CTNNA1: variants seen among roughly 807,000 people sequenced by gnomAD.
CTNNA1 encodes catenin alpha-1.
Under a neutral mutation model 98.4 loss-of-function variants are expected in CTNNA1, and 37 were observed. The observed-to-expected ratio is 0.38, with a 90% confidence interval of 0.29 to 0.49. CTNNA1 has a LOEUF of 0.49. Among genes scored for constraint, CTNNA1 ranks in the 20% least tolerant of loss-of-function variants. The pLI, the probability that CTNNA1 is intolerant of heterozygous loss-of-function variation, is 0.95. For missense variants in CTNNA1, 761 were observed against 1,147.2 expected (o/e 0.66, Z 4.86); for synonymous variants, 404 against 413.2 (o/e 0.98, Z 0.27).
intron 3 of CTNNA1, among the ~76,000 whole-genome samples, chr5:138,803,702 T>C (rs1053179600): frequency 1.3e-4 from 20 of 152,216 alleles, no homozygotes; most frequent in Admixed American, 2.0e-4. Context: ...TCAAATCAAA[T>C]GGTATTTTTT....
intron 7 of CTNNA1, among the ~76,000 whole-genome samples, chr5:138,865,761 C>T (rs1456675669): frequency 6.6e-6 from 1 of 152,020 alleles, no homozygotes; most frequent in African/African-American, 2.4e-5. Context: ...TATTCTGGAC[C>T]CTTGGGGTTA....
intron 5 of CTNNA1, 116 bp downstream of exon 5, chr5:138,812,418 T>G (rs1013986450): frequency 1.7e-5 from 18 of 1,090,130 alleles, no homozygotes; most frequent in Non-Finnish European, 2.3e-5. Context: ...TATAGTTCCA[T>G]TAAAACATTT....
At chr5:138,857,648 A>G (rs1763849491) in intron 7 of CTNNA1, among the ~76,000 whole-genome samples, 1 of 152,162 alleles carries the variant, frequency 6.6e-6, no homozygotes, top group Admixed American at 6.5e-5. Context: ...AAATATCAGT[A>G]ATATTAGTGG....
chr5:138,788,266 C>T (rs116776391), intron 3 of CTNNA1, among the ~76,000 whole-genome samples: 2,475 of 152,166 alleles, frequency 0.016, 74 homozygotes, highest in African/African-American at 0.056. Flanking sequence ...AGTACCTGGT[C>T]CGTGATAGGC....
chr5:138,899,879 A>G (rs1458446759), intron 9 of CTNNA1, among the ~76,000 whole-genome samples: 1 of 152,362 alleles, frequency 6.6e-6, no homozygotes, highest in African/African-American at 2.4e-5. Flanking sequence ...TGTACAATTC[A>G]GATTTTGGTA....
At chr5:138,896,543 C>G (rs553176697) in intron 9 of CTNNA1, among the ~76,000 whole-genome samples, 1 of 152,266 alleles carries the variant, frequency 6.6e-6, no homozygotes, top group Admixed American at 6.5e-5. Context: ...AGCCACTTCT[C>G]TTGTGTGAAG....
At chr5:138,769,399 T>G (rs1753277266) in intron 1 of CTNNA1, among the ~76,000 whole-genome samples, 1 of 151,824 alleles carries the variant, frequency 6.6e-6, no homozygotes, top group African/African-American at 2.4e-5. Flanking sequence ...TTATTATTAT[T>G]ATTTTTTGAG....
intron 10 of CTNNA1, among the ~76,000 whole-genome samples, chr5:138,911,956 C>T (rs2150191975): frequency 6.6e-6 from 1 of 152,202 alleles, no homozygotes; most frequent in East Asian, 1.9e-4. Flanking sequence ...GACGGAGTTC[C>T]CATTTATTTT....
intron 6 of CTNNA1, among the ~76,000 whole-genome samples, chr5:138,825,482 G>GGTTTTTTTTTTTTT (rs1760578153): frequency 1.3e-5 from 1 of 74,114 alleles, no homozygotes; most frequent in African/African-American, 5.8e-5. Flanking sequence ...AGCAGTATAA[G>GGTTTTTTTTTTTTT]TTTTTTTTTT....
At chr5:138,770,943 TC>T (rs1399600635) in intron 1 of CTNNA1, among the ~76,000 whole-genome samples, 2 of 119,654 alleles carry the variant, frequency 1.7e-5, no homozygotes, top group African/African-American at 6.0e-5. Context: ...AGAGCGAGAC[TC>T]CGTCTCAAAA....
At chr5:138,881,112 T>C (rs1208330347) in intron 7 of CTNNA1, 1 of 456,270 alleles carries the variant, frequency 2.2e-6, no homozygotes, top group South Asian at 1.5e-5. Flanking sequence ...TGAAAGGGGC[T>C]TCCTGAGGCT....
intron 7 of CTNNA1, among the ~76,000 whole-genome samples, chr5:138,860,496 G>T (rs202041884): frequency 6.7e-6 from 1 of 150,120 alleles, no homozygotes; most frequent in Non-Finnish European, 1.5e-5. Flanking sequence ...GGTTTTTTTT[G>T]TTTGTTTTGT....
chr5:138,857,517 A>G (rs1209456413), intron 7 of CTNNA1, among the ~76,000 whole-genome samples: 1 of 152,112 alleles, frequency 6.6e-6, no homozygotes, highest in Non-Finnish European at 1.5e-5. Flanking sequence ...GGGTCTTGCT[A>G]TGCTGCCCAG....
chr5:138,875,461 G>C (rs1401535700), intron 7 of CTNNA1: 1 of 985,320 alleles, frequency 1.0e-6, no homozygotes, highest in East Asian at 1.1e-4. Flanking sequence ...TAACAGCATC[G>C]GGGTCGTTGC....
At chr5:138,922,018 T>A (rs992158788) in intron 11 of CTNNA1, among the ~76,000 whole-genome samples, 2 of 152,222 alleles carry the variant, frequency 1.3e-5, no homozygotes, top group South Asian at 4.2e-4. Context: ...AACATTGTTT[T>A]CATTTTCTTT....
intron 7 of CTNNA1, among the ~76,000 whole-genome samples, chr5:138,876,459 G>T (rs996453342): frequency 2.0e-5 from 3 of 152,184 alleles, no homozygotes; most frequent in African/African-American, 4.8e-5. Flanking sequence ...AGTTGTGGAT[G>T]TATAGCTCCA....
intron 3 of CTNNA1, among the ~76,000 whole-genome samples, chr5:138,804,128 C>G (rs1251803208): frequency 6.6e-6 from 1 of 152,178 alleles, no homozygotes; most frequent in Non-Finnish European, 1.5e-5. Flanking sequence ...TACAAGGTAT[C>G]TTAATTGACA....
Position 138,931,514 on chromosome 5 carries a change from A to G in CTNNA1, c.2298+579A>G, listed in dbSNP as rs543496039. 2.8e-5 allele frequency: 23 copies of G among 817,792 alleles called. No homozygotes were observed. The South Asian group carries it at 1.1e-3, about 38-fold the overall frequency. The allele number at this position is 817,792 out of a possible 1,614,324, so 50.7% of individuals were successfully genotyped here. Reference sequence around the variant, plus strand: ...CCTCATCTAGGCCACAGGATGTGTGAGACACAAGCCTCCTTACACAAGCCA... The same window carrying G: ...CCTCATCTAGGCCACAGGATGTGTGGGACACAAGCCTCCTTACACAAGCCA... On this transcript the variant is annotated intron_variant, in intron 16 of 17. Transcript: ENST00000302763.
chr5:138,927,374 TG>T (rs1764300054), intron 13 of CTNNA1, among the ~76,000 whole-genome samples: 2 of 152,188 alleles, frequency 1.3e-5, no homozygotes, highest in Non-Finnish European at 2.9e-5. Context: ...GCCGGTGACA[TG>T]GGGGCAGTGA....
Sources: allele counts gnomAD v4.1 joint callset (sites outside exome capture counted in the v4.1 genomes callset), GRCh38; gene constraint gnomAD v4.1.1; transcripts MANE v1.5; gene names NCBI Gene and HGNC (gene_info 2026-07-23, HGNC 2026-07-21).